Variants in NARF observed in about 807,000 individuals in gnomAD.
The protein encoded by NARF is iron-only hydrogenase-like protein 2.
In NARF, 41 loss-of-function variants were observed where a neutral mutation model predicts 48.0. The ratio of observed to expected loss-of-function variants is 0.85; its 90% CI spans 0.66 to 1.11. The LOEUF (loss-of-function observed/expected upper bound fraction) is 1.11. Ranked by LOEUF, NARF falls within the 50% of genes least tolerant of loss-of-function variation. The probability of loss-of-function intolerance (pLI) is 0.00; values close to 1 mark genes in which losing one functional copy is unlikely to be tolerated. For missense variants in NARF, 613 were observed against 590.2 expected (o/e 1.04, Z -0.40); for synonymous variants, 215 against 225.5 (o/e 0.95, Z 0.42).
chr17:82,469,555 G>A (rs1012359364), intron 4 of NARF, among the ~76,000 whole-genome samples: 1 of 152,034 alleles, frequency 6.6e-6, no homozygotes, highest in Non-Finnish European at 1.5e-5. Flanking sequence ...GTTCAGAAAG[G>A]GAAAATGAGC....
intron 3 of NARF, among the ~76,000 whole-genome samples, chr17:82,468,309 T>G (rs1452154155): frequency 7.3e-6 from 1 of 137,832 alleles, no homozygotes; most frequent in East Asian, 2.0e-4. Flanking sequence ...GAAACTCTGT[T>G]TTTTTTTTTT....
At chr17:82,481,308 A>G (rs747946867) in intron 7 of NARF, 97 bp downstream of exon 7, 8 of 1,548,160 alleles carry the variant, frequency 5.2e-6, no homozygotes, top group Admixed American at 1.8e-5. Context: ...GAGCCATCTC[A>G]GTGCCTGCCA....
intron 5 of NARF, chr17:82,477,115 C>G (rs1335979676): frequency 6.6e-6 from 1 of 152,240 alleles, no homozygotes; most frequent in Non-Finnish European, 1.5e-5. Flanking sequence ...GCTTCAACCT[C>G]TTGGGCTCAA....
chr17:82,458,835 G>A lies in NARF; in HGVS notation c.27+5G>A, dbSNP rs2043353203. 1.4e-6 allele frequency: 2 copies of A among 1,407,488 alleles called. No homozygotes were observed. The highest frequency in any genetic ancestry group is 3.0e-5 in the Admixed American group (1 of 33,070). The allele number at this position is 1,407,488 out of a possible 1,614,324, so 87.2% of individuals were successfully genotyped here. On this transcript the variant is annotated splice_donor_5th_base_variant and intron_variant, in intron 1 of 10. Coordinates refer to ENST00000309794, the MANE Select transcript of NARF (RefSeq NM_012336.4). ...TGTGAGCACTGCACGCGCAAGGTGA[G>A]CGCCGCGGGCCGGGGAGGCGCGCGC...
chr17:82,459,674 A>G (rs1431559821), intron 1 of NARF, among the ~76,000 whole-genome samples: 1 of 152,114 alleles, frequency 6.6e-6, no homozygotes, highest in Non-Finnish European at 1.5e-5. Flanking sequence ...GTTCAAGACC[A>G]TCGTGGCCAA....
chr17:82,479,681 G>A (rs985326832), intron 6 of NARF, among the ~76,000 whole-genome samples: 1 of 152,240 alleles, frequency 6.6e-6, no homozygotes, highest in Admixed American at 6.5e-5. Flanking sequence ...GGTAACTGGA[G>A]TAGAGGGTAA....
intron 7 of NARF, among the ~76,000 whole-genome samples, chr17:82,481,558 G>A (rs577910158): frequency 1.6e-4 from 24 of 152,068 alleles, no homozygotes; most frequent in African/African-American, 3.1e-4. Context: ...GAGAAACCCC[G>A]TCTCTACTAA....
intron 10 of NARF, among the ~76,000 whole-genome samples, chr17:82,487,259 G>T (rs546948522): frequency 6.6e-6 from 1 of 151,094 alleles, no homozygotes; most frequent in Non-Finnish European, 1.5e-5. Context: ...CGAGGTGGTC[G>T]GATTACCTGA....
At chr17:82,478,778 C>T (rs200174539) in intron 5 of NARF, 22 bp from the exon 6 acceptor site, 18 of 1,604,068 alleles carry the variant, frequency 1.1e-5, no homozygotes, top group African/African-American at 8.0e-5. Context: ...AGGAGCTGAC[C>T]GTGGATCCCT....
intron 5 of NARF, 121 bp from the exon 6 acceptor site, chr17:82,478,679 G>A: frequency 1.9e-6 from 2 of 1,035,378 alleles, no homozygotes; most frequent in Non-Finnish European, 3.0e-6. Flanking sequence ...TAAGGCCTGG[G>A]GAAAAGGTGT....
chr17:82,469,638 C>T (rs888747062), intron 4 of NARF, among the ~76,000 whole-genome samples: 1 of 152,120 alleles, frequency 6.6e-6, no homozygotes. Context: ...GAGTCTCGCT[C>T]TTGGTGCCCC....
In NARF at chr17:82,458,783, C is replaced by G. The variant is rs900360847; in HGVS notation, c.-21C>G. The G allele has an allele frequency of 6.8e-7, 1 of 1,464,152 alleles. No homozygotes were observed. Among genetic ancestry groups the G allele is most frequent in the Non-Finnish European group, 9.0e-7 (1 of 1,115,292 alleles). 90.7% of individuals were successfully genotyped at this position (1,464,152 alleles called of 1,614,324 possible). On this transcript the variant is annotated 5_prime_UTR_variant, in exon 1 of 11. Transcript: ENST00000309794. ...CTTCCCTGAGGCTGAGGCGCCCGGC[C>G]TCCCGCCCGCCGCGCTCCAGATGAA...
intron 7 of NARF, chr17:82,483,319 CAA>C (rs566863361): frequency 4.2e-3 from 1,111 of 265,566 alleles, no homozygotes; most frequent in South Asian, 7.1e-3. Context: ...GACTCCATCT[CAA>C]AAAAAAAAAA....
rs73369848 is a variant in NARF, at chr17:82,469,410, G to A, written c.385+514G>A. Reference sequence around the variant, plus strand: ...GAACTCGGATGTCAACGCTGGAATAGTACTACCTGAAATGTTGATGGATGA... The same window carrying A: ...GAACTCGGATGTCAACGCTGGAATAATACTACCTGAAATGTTGATGGATGA... On this transcript the variant is annotated intron_variant, in intron 4 of 10. Coordinates refer to ENST00000309794, the MANE Select transcript of NARF (RefSeq NM_012336.4). Among the ~76,000 whole-genome samples, 550 of 152,316 alleles carry A rather than the reference G, an allele frequency of 3.6e-3. 4 individuals carry two copies. Among genetic ancestry groups the A allele is most frequent in the African/African-American group, 0.013 (535 of 41,550 alleles).
chr17:82,486,039 G>A (rs1263166939), intron 10 of NARF, among the ~76,000 whole-genome samples: 1 of 152,184 alleles, frequency 6.6e-6, no homozygotes, highest in African/African-American at 2.4e-5. Flanking sequence ...CTGAGTGATG[G>A]GAGAGAGCAG....
intron 6 of NARF, chr17:82,480,053 C>G (rs1043760727): frequency 1.2e-5 from 2 of 165,546 alleles, no homozygotes; most frequent in African/African-American, 4.8e-5. Flanking sequence ...ACCTGACCAC[C>G]TGGCACAGCT....
At chr17:82,482,441 T>TTGA (rs1555630051) in intron 7 of NARF, 202 of 168,992 alleles carry the variant, frequency 1.2e-3, no homozygotes, top group Middle Eastern at 0.012. Flanking sequence ...CGGTGGGCTG[T>TTGA]CAGAAGAACC....
At chr17:82,479,713 T>G (rs913145847) in intron 6 of NARF, among the ~76,000 whole-genome samples, 2 of 152,222 alleles carry the variant, frequency 1.3e-5, no homozygotes, top group African/African-American at 4.8e-5. Flanking sequence ...TTCAGACATT[T>G]GAAGTCAGCC....
chr17:82,480,948 A>C, intron 6 of NARF, 134 bp from the exon 7 acceptor site: 1 of 1,025,096 alleles, frequency 9.8e-7, no homozygotes, highest in South Asian at 1.8e-5. Context: ...AAAAAAAAAA[A>C]AGAGTGCAGC....
Sources: allele counts gnomAD v4.1 joint callset (sites outside exome capture counted in the v4.1 genomes callset), GRCh38; gene constraint gnomAD v4.1.1; transcripts MANE v1.5; gene names NCBI Gene and HGNC (gene_info 2026-07-23, HGNC 2026-07-21).